The following COL3A1 variants were observed in gnomAD, a reference collection of about 807,000 sequenced individuals.
COL3A1 encodes collagen type III alpha 1 chain.
COL3A1 carries 46 observed loss-of-function variants against 200.9 expected under a neutral mutation model. The observed-to-expected ratio is 0.23, with a 90% CI of 0.18 to 0.29. The LOEUF is 0.29. Among genes scored for constraint, COL3A1 ranks in the 10% least tolerant of loss-of-function variants. The pLI is 1.00. For synonymous variants in COL3A1, 650 were observed against 628.0 expected, an observed-to-expected ratio of 1.03 and a Z score of -0.52; for missense variants, 1,367 against 1,917.6, an observed-to-expected ratio of 0.71 and a Z score of 5.36.
intron 14 of COL3A1, 30 bp downstream of exon 14, chr2:188,992,258 T>C: frequency 6.2e-7 from 1 of 1,606,306 alleles, no homozygotes; most frequent in Non-Finnish European, 8.5e-7. Context: ...TTATGTGTTG[T>C]AGGGTAATGA....
At chr2:188,997,623 C>G (rs2153502829) in intron 26 of COL3A1, 77 bp from the exon 27 acceptor site, 1 of 1,433,622 alleles carries the variant, frequency 7.0e-7, no homozygotes, top group Admixed American at 1.7e-5. Flanking sequence ...AATTAAGCAA[C>G]AGGCCTGTTG....
rs1364645068 is a variant in COL3A1 at position 188,996,331 on chromosome 2, C to CTA, written c.1663-58_1663-57dup. On this transcript the variant is annotated intron_variant, in intron 23 of 50. Coordinates refer to ENST00000304636, the MANE Select transcript of COL3A1 (RefSeq NM_000090.4). ...ACACACACACACACACACACACATA[C>CTA]TATATATATAGCATGCTTTAATCTT... 33 of 1,133,038 alleles carry CTA rather than the reference C, an allele frequency of 2.9e-5. No individual in the cohort carries two copies. In the African/African-American group the frequency reaches 3.7e-4, roughly 13 times the overall value. 70.2% of individuals were successfully genotyped at this position (1,133,038 alleles called of 1,614,324 possible). A position where few individuals can be genotyped will look rare whatever the true frequency, so the allele number is the denominator to read the frequency against.
chr2:188,975,882 C>A (rs1273437970), intron 1 of COL3A1, among the ~76,000 whole-genome samples: 8 of 151,854 alleles, frequency 5.3e-5, no homozygotes, highest in Admixed American at 4.6e-4. Flanking sequence ...CTCATCACCC[C>A]ACCCCTTCCT....
rs886055335 is a variant in COL3A1 at position 189,011,863 on chromosome 2, G to A, written c.*89G>A. On this transcript the variant is annotated 3_prime_UTR_variant, in exon 51 of 51. Coordinates refer to ENST00000304636, the MANE Select transcript of COL3A1 (RefSeq NM_000090.4). ...ATCTTGTCAACCAGTGCAAGTGACCGACAAAATTCCAGTTATTTATTTCCA... is the reference window on the plus strand; with the variant it reads ...ATCTTGTCAACCAGTGCAAGTGACCAACAAAATTCCAGTTATTTATTTCCA... 3.4e-5 allele frequency: 48 copies of A among 1,415,310 alleles called. No individual in the cohort carries two copies. The highest frequency in any genetic ancestry group is 1.8e-4 in the Admixed American group (10 of 56,834). 87.7% of individuals were successfully genotyped at this position (1,415,310 alleles called of 1,614,324 possible). A position where few individuals can be genotyped will look rare whatever the true frequency, so the allele number is the denominator to read the frequency against.
In COL3A1 at chr2:189,006,217, A is replaced by G. The variant is rs1688582244; in HGVS notation, c.3051A>G (p.Gly1017=). ...AGEPGRDGNP[G]SDGLPGRDGS... ...CATTTTTTAATCAGGGAAACCCTGG[A>G]TCAGATGGTCTTCCAGGCCGAGATG... The change falls in exon 42 of 51, where the codon GGA becomes GGG. Residue 1017 remains glycine, a synonymous_variant. Transcript: ENST00000304636. 2 of 1,614,096 alleles carry G rather than the reference A, an allele frequency of 1.2e-6. No individual in the cohort carries two copies. Among genetic ancestry groups the G allele is most frequent in the African/African-American group, 1.3e-5 (1 of 74,944 alleles).
Position 188,994,345 on chromosome 2 carries a change from G to GT in COL3A1, c.1293+19dup. ...GCGAGGTGGTGCAGTAAGTTGCCTTGTTTTTTCTCTGTTGACTGAAAGGTA... is the reference window on the plus strand; with the variant it reads ...GCGAGGTGGTGCAGTAAGTTGCCTTGTTTTTTTCTCTGTTGACTGAAAGGTA... On this transcript the variant is annotated intron_variant, in intron 18 of 50. Transcript: ENST00000304636. This position sits in a 1 kb window ranked among gnomAD's most constrained non-coding sequence, Gnocchi z 4.5. 1 of 1,613,294 alleles carries GT rather than the reference G, an allele frequency of 6.2e-7. No individual in the cohort carries two copies. Among genetic ancestry groups the GT allele is most frequent in the Middle Eastern group, 1.8e-4 (1 of 5,640 alleles).
chr2:188,986,798 T>C (rs1688073449), intron 4 of COL3A1, among the ~76,000 whole-genome samples: 1 of 151,910 alleles, frequency 6.6e-6, no homozygotes. Flanking sequence ...AAGCGCATAA[T>C]AGGAAAAATT....
intron 1 of COL3A1, among the ~76,000 whole-genome samples, chr2:188,977,113 A>T (rs1687837131): frequency 6.6e-6 from 1 of 152,122 alleles, no homozygotes; most frequent in African/African-American, 2.4e-5. Context: ...GCCACTTAAA[A>T]ATTCTACATA....
At chr2:189,004,389 A>G (rs1688542595) in intron 40 of COL3A1, 25 bp downstream of exon 40, 1 of 1,557,266 alleles carries the variant, frequency 6.4e-7, no homozygotes, top group Non-Finnish European at 8.7e-7. Flanking sequence ...TTTCCACTAC[A>G]CTCTTCCTTC....
Position 188,997,380 on chromosome 2 carries a change from A to T in COL3A1, c.1860A>T (p.Pro620=), listed in dbSNP as rs141128796. The T allele has an allele frequency of 4.3e-6, 7 of 1,613,694 alleles. No homozygotes were observed. Among genetic ancestry groups the T allele is most frequent in the Non-Finnish European group, 5.1e-6 (6 of 1,179,718 alleles). ...KNGETGPQGP[P]GPTGPGGDKG... Reference sequence around the variant, plus strand: ...GTGAAACTGGACCTCAGGGACCCCCAGGGCCTACTGTAAGTTCACTCATAT... The same window carrying T: ...GTGAAACTGGACCTCAGGGACCCCCTGGGCCTACTGTAAGTTCACTCATAT... The change falls in exon 26 of 51, where the codon CCA becomes CCT. Residue 620 remains proline, a synonymous_variant. Transcript: ENST00000304636.
intron 5 of COL3A1, 152 bp downstream of exon 5, chr2:188,987,291 T>C: frequency 2.9e-6 from 2 of 695,532 alleles, no homozygotes; most frequent in South Asian, 3.1e-5. Flanking sequence ...ATGGTAGCAT[T>C]ATCATGTTCT....
chr2:189,010,621 ATC>A (rs759637322), intron 49 of COL3A1, 25 bp from the exon 50 acceptor site: 1 of 1,613,992 alleles, frequency 6.2e-7, no homozygotes, highest in South Asian at 1.1e-5. Flanking sequence ...GAAATGTTTG[ATC>A]TGTTTTATTT....
chr2:188,975,216 T>G (rs569621414), intron 1 of COL3A1, among the ~76,000 whole-genome samples: 1 of 152,320 alleles, frequency 6.6e-6, no homozygotes, highest in East Asian at 1.9e-4. Flanking sequence ...GGACTAATAT[T>G]TTCCACATAT....
At chr2:188,997,649 A>T (rs762885666) in intron 26 of COL3A1, 51 bp from the exon 27 acceptor site, 1 of 1,558,500 alleles carries the variant, frequency 6.4e-7, no homozygotes, top group South Asian at 1.1e-5. Context: ...GATACTGTAG[A>T]CTAAATATAA....
intron 14 of COL3A1, 37 bp from the exon 15 acceptor site, chr2:188,992,850 G>T: frequency 6.3e-7 from 1 of 1,592,458 alleles, no homozygotes; most frequent in South Asian, 1.1e-5. Flanking sequence ...TCATTTAGTT[G>T]AAAAAGAGCT....
rs1418325969 is a variant in COL3A1, at chr2:188,998,222, C to G, written c.1924-44C>G. On this transcript the variant is annotated intron_variant, in intron 27 of 50. Coordinates refer to ENST00000304636, the MANE Select transcript of COL3A1 (RefSeq NM_000090.4). ...TACATATGAGAAGCTTTTCTATAAG[C>G]CATGTTTGAGGTAATTACCTAATAC... 3 of 1,548,718 alleles carry G rather than the reference C, an allele frequency of 1.9e-6. No individual in the cohort carries two copies. In the South Asian group the frequency reaches 3.4e-5, roughly 17 times the overall value.
intron 49 of COL3A1, 91 bp from the exon 50 acceptor site, chr2:189,010,557 A>G: frequency 6.5e-7 from 1 of 1,540,792 alleles, no homozygotes; most frequent in Non-Finnish European, 9.0e-7. Flanking sequence ...TAAACAGCCC[A>G]TATTACAATA....
At chr2:189,008,584 C>T (rs959765500) in intron 47 of COL3A1, 2 of 419,080 alleles carry the variant, frequency 4.8e-6, no homozygotes, top group Non-Finnish European at 4.3e-6. Flanking sequence ...AACAATTATC[C>T]CAACAAATTA....
chr2:189,010,125 A>G, intron 48 of COL3A1, 53 bp from the exon 49 acceptor site: 1 of 1,561,606 alleles, frequency 6.4e-7, no homozygotes, highest in Non-Finnish European at 8.8e-7. Flanking sequence ...AAACAAAATC[A>G]CTTTATTACT....
Sources: allele counts gnomAD v4.1 joint callset (sites outside exome capture counted in the v4.1 genomes callset), GRCh38; gene constraint gnomAD v4.1.1; non-coding constraint Gnocchi (gnomAD v3.1); transcripts MANE v1.5; gene names NCBI Gene and HGNC (gene_info 2026-07-23, HGNC 2026-07-21).